The following ATPAF2 variants were observed in gnomAD, a reference collection of about 807,000 sequenced individuals.
The protein encoded by ATPAF2 is ATP synthase mitochondrial F1 complex assembly factor 2.
ATPAF2 carries 30 observed loss-of-function variants against 36.6 expected under a neutral mutation model. The observed-to-expected ratio is 0.82, with a 90% CI of 0.61 to 1.11. The LOEUF (loss-of-function observed/expected upper bound fraction) is 1.11. Among genes scored for constraint, ATPAF2 ranks in the 50% most tolerant of loss-of-function variants. ATPAF2 has a pLI of 0.00. For synonymous variants in ATPAF2, 140 were observed against 152.6 expected, an observed-to-expected ratio of 0.92 and a Z score of 0.61; for missense variants, 321 against 372.3, an observed-to-expected ratio of 0.86 and a Z score of 1.13.
intron 1 of ATPAF2, among the ~76,000 whole-genome samples, chr17:18,033,369 A>G (rs1250099550): frequency 1.3e-5 from 2 of 151,078 alleles, no homozygotes; most frequent in East Asian, 3.9e-4. Flanking sequence ...CTCAAAAAAA[A>G]AAAAAAAAAA....
At position 18,028,671 on chromosome 17, in the gene ATPAF2, A is replaced by T. The variant is rs1266678483; in HGVS notation, c.134-12T>A. The T allele has an allele frequency of 6.2e-7, 1 of 1,613,184 alleles. No individual in the cohort carries two copies. Among genetic ancestry groups the T allele is most frequent in the Admixed American group, 1.7e-5 (1 of 60,008 alleles). Reference sequence around the variant, plus strand: ...AAACCTCTTCCTTTCTGTAAGAAAGATTTTTCAAAGAGGCAGTTTAAAATA... The same window carrying T: ...AAACCTCTTCCTTTCTGTAAGAAAGTTTTTTCAAAGAGGCAGTTTAAAATA... On this transcript the variant is annotated splice_polypyrimidine_tract_variant and intron_variant, in intron 1 of 7. Coordinates refer to ENST00000474627, the MANE Select transcript of ATPAF2 (RefSeq NM_145691.4).
At chr17:18,038,564 G>T (rs1424755234) in intron 1 of ATPAF2, among the ~76,000 whole-genome samples, 1 of 152,212 alleles carries the variant, frequency 6.6e-6, no homozygotes, top group Non-Finnish European at 1.5e-5. Flanking sequence ...ACGAAGTCCT[G>T]ATTCAGAGCC....
rs1353105969 is a variant in ATPAF2 at position 18,021,194 on chromosome 17, AG to A, written c.660del (p.Leu221TrpfsTer3). On this transcript the variant is annotated frameshift_variant, in exon 7 of 8. Transcript: ENST00000474627. LOFTEE classifies it high-confidence loss of function. ...GTCAGGCGCAGGTCAATCAGGCCCA[AG>A]GTTAGCACCATGGACTTGAGCTGGG... ...VAAQLKSMVLTLGLIDLRLTV... is the reference protein window; with the variant it reads ...VAAQLKSMVLXLGLIDLRLTV... The A allele has an allele frequency of 6.2e-7, 1 of 1,613,890 alleles. No individual in the cohort carries two copies. Among genetic ancestry groups the A allele is most frequent in the Non-Finnish European group, 8.5e-7 (1 of 1,180,004 alleles).
At chr17:18,037,262 T>C (rs903387553) in intron 1 of ATPAF2, among the ~76,000 whole-genome samples, 1 of 151,952 alleles carries the variant, frequency 6.6e-6, no homozygotes, top group Non-Finnish European at 1.5e-5. Flanking sequence ...TTCAGCTCCC[T>C]GCTGCATCCA....
chr17:18,025,364 G>A (rs1314109826), intron 4 of ATPAF2: 4 of 159,408 alleles, frequency 2.5e-5, no homozygotes, highest in Non-Finnish European at 4.2e-5. Context: ...CCAGTTGAGA[G>A]GAGCTGAGCT....
At chr17:18,037,108 T>C (rs1311117077) in intron 1 of ATPAF2, among the ~76,000 whole-genome samples, 3 of 152,126 alleles carry the variant, frequency 2.0e-5, no homozygotes, top group African/African-American at 4.8e-5. Context: ...AATAAATTAA[T>C]TAACCCTTTG....
At chr17:18,016,593 C>T (rs763917499), downstream of ATPAF2, 16 of 1,613,698 alleles carry the variant, frequency 9.9e-6, no homozygotes, top group South Asian at 1.4e-4. Flanking sequence ...ACCGCAAGCG[C>T]GTGAAGGAGA....
chr17:18,026,254 C>G (rs2044543637), intron 4 of ATPAF2, 65 bp downstream of exon 4: 7 of 1,420,836 alleles, frequency 4.9e-6, no homozygotes, highest in Non-Finnish European at 7.0e-6. Context: ...CCACTGATAA[C>G]CATCTGGGCA....
intron 3 of ATPAF2, chr17:18,026,619 G>A (rs534675903): frequency 5.6e-5 from 34 of 611,860 alleles, no homozygotes; most frequent in African/African-American, 4.6e-4. Flanking sequence ...TTGTGTTGAC[G>A]CTCACAGGAC....
chr17:18,026,301 C>T lies in ATPAF2; in HGVS notation c.422+18G>A, dbSNP rs2044544398. On this transcript the variant is annotated intron_variant, in intron 4 of 7. Transcript: ENST00000474627. Reference sequence around the variant, plus strand: ...ATAGCCTCAATCCAAGGGGAATGCCCATCTAAATGTCCATTACCAGATGGT... The same window carrying T: ...ATAGCCTCAATCCAAGGGGAATGCCTATCTAAATGTCCATTACCAGATGGT... 2 of 1,603,246 alleles carry T rather than the reference C, an allele frequency of 1.2e-6. No individual in the cohort carries two copies. The highest frequency in any genetic ancestry group is 1.1e-5 in the South Asian group (1 of 90,874).
downstream of ATPAF2, chr17:18,016,675 A>C: frequency 1.3e-6 from 2 of 1,590,390 alleles, no homozygotes; most frequent in Non-Finnish European, 1.7e-6. Flanking sequence ...AGACTAGATG[A>C]ATGTCAGCCA....
Position 18,039,049 on chromosome 17 carries a change from A to G in ATPAF2, c.-36T>C. The G allele has an allele frequency of 6.4e-7, 1 of 1,565,416 alleles. No individual in the cohort carries two copies. The highest frequency in any genetic ancestry group is 8.7e-7 in the Non-Finnish European group (1 of 1,154,874). ...GGTCTGGGAAGATGCGAGACGCGAA[A>G]CCTGGAGCAGGAAACACAGAGCGAT... On this transcript the variant is annotated 5_prime_UTR_variant, in exon 1 of 8. Coordinates refer to ENST00000474627, the MANE Select transcript of ATPAF2 (RefSeq NM_145691.4). The surrounding 1 kb of genome is among the most constrained non-coding windows in gnomAD (Gnocchi z 5.3).
chr17:18,034,566 T>C (rs1420699718), intron 1 of ATPAF2, among the ~76,000 whole-genome samples: 1 of 152,040 alleles, frequency 6.6e-6, no homozygotes, highest in East Asian at 1.9e-4. Flanking sequence ...AGGACAGCTG[T>C]AATAAAAAAG....
intron 6 of ATPAF2, 31 bp downstream of exon 6, chr17:18,021,714 C>T (rs2044470918): frequency 6.3e-7 from 1 of 1,597,580 alleles, no homozygotes. Context: ...TCACAGCCAC[C>T]TGCCAAGCCC....
At chr17:18,031,756 G>T (rs949265652) in intron 1 of ATPAF2, among the ~76,000 whole-genome samples, 2 of 152,024 alleles carry the variant, frequency 1.3e-5, no homozygotes, top group Non-Finnish European at 2.9e-5. Context: ...CTCCAGCCTG[G>T]GTGACAAAGC....
At chr17:18,028,208 A>G in intron 3 of ATPAF2, 24 bp downstream of exon 3, 1 of 1,614,154 alleles carries the variant, frequency 6.2e-7, no homozygotes, top group East Asian at 2.2e-5. Flanking sequence ...CTCAGGGTCC[A>G]GGTTCACACT....
intron 5 of ATPAF2, among the ~76,000 whole-genome samples, chr17:18,022,682 G>A (rs771109774): frequency 2.7e-5 from 4 of 147,880 alleles, no homozygotes; most frequent in Middle Eastern, 3.5e-3. Context: ...GGCTCACTGC[G>A]ACCTCCGCCT....
At chr17:18,016,018 G>C (rs1447916347), downstream of ATPAF2, 1 of 1,602,548 alleles carries the variant, frequency 6.2e-7, no homozygotes, top group African/African-American at 1.3e-5. Context: ...TTGTGTTCAC[G>C]GTATAATGAC....
At chr17:18,021,380 G>A in intron 6 of ATPAF2, 142 bp from the exon 7 acceptor site, 1 of 739,618 alleles carries the variant, frequency 1.4e-6, no homozygotes, top group South Asian at 1.5e-5. Flanking sequence ...TTCTGAAAGA[G>A]CACTCTGGTC....
Sources: allele counts gnomAD v4.1 joint callset (sites outside exome capture counted in the v4.1 genomes callset), GRCh38; gene constraint gnomAD v4.1.1; non-coding constraint Gnocchi (gnomAD v3.1); transcripts MANE v1.5; gene names NCBI Gene and HGNC (gene_info 2026-07-23, HGNC 2026-07-21).